ARHGAP31: variants seen among roughly 807,000 people sequenced by gnomAD.
The protein encoded by ARHGAP31 is rho GTPase-activating protein 31.
In ARHGAP31, 34 loss-of-function variants were observed where a neutral mutation model predicts 113.9. That is an observed-to-expected ratio of 0.30 (90% CI 0.23 to 0.40). The LOEUF (loss-of-function observed/expected upper bound fraction) is 0.40, where lower values mean the gene tolerates loss of function less well. Ranked by LOEUF, ARHGAP31 falls within the 10% of genes least tolerant of loss-of-function variation. The pLI, the probability that ARHGAP31 is intolerant of heterozygous loss-of-function variation, is 1.00. For synonymous variants in ARHGAP31, 650 were observed against 684.8 expected, an observed-to-expected ratio of 0.95 and a Z score of 0.79; for missense variants, 1,548 against 1,767.1, an observed-to-expected ratio of 0.88 and a Z score of 2.22.
intron 3 of ARHGAP31, among the ~76,000 whole-genome samples, chr3:119,368,927 AG>A (rs1284405571): frequency 6.6e-6 from 1 of 152,070 alleles, no homozygotes; most frequent in South Asian, 2.1e-4. Context: ...TTTCTTTTGT[AG>A]GTTGGGTAAA....
At chr3:119,302,808 C>T (rs897187989) in intron 1 of ARHGAP31, among the ~76,000 whole-genome samples, 1 of 152,188 alleles carries the variant, frequency 6.6e-6, no homozygotes, top group Non-Finnish European at 1.5e-5. Context: ...AGTTTTGCCA[C>T]AACCTATGAA....
chr3:119,397,123 G>C (rs139319679), intron 8 of ARHGAP31, among the ~76,000 whole-genome samples: 1 of 152,324 alleles, frequency 6.6e-6, no homozygotes, highest in African/African-American at 2.4e-5. Flanking sequence ...GTCCCAGACA[G>C]AAACATGTAA....
chr3:119,388,506 C>T (rs2080474486), intron 6 of ARHGAP31, among the ~76,000 whole-genome samples: 1 of 151,816 alleles, frequency 6.6e-6, no homozygotes, highest in Non-Finnish European at 1.5e-5. Context: ...CCTTCCAGCT[C>T]CTGTGTGGAG....
At chr3:119,365,953 A>G (rs1019722061) in intron 2 of ARHGAP31, among the ~76,000 whole-genome samples, 1 of 152,094 alleles carries the variant, frequency 6.6e-6, no homozygotes, top group Non-Finnish European at 1.5e-5. Flanking sequence ...AATAAAAATA[A>G]AAAATAAATT....
intron 1 of ARHGAP31, among the ~76,000 whole-genome samples, chr3:119,338,241 G>A (rs1232439758): frequency 6.6e-6 from 1 of 151,964 alleles, no homozygotes. Context: ...GTAACACAAG[G>A]GTGTTACATG....
chr3:119,378,274 A>C (rs74774929), intron 3 of ARHGAP31, among the ~76,000 whole-genome samples: 3,413 of 152,232 alleles, frequency 0.022, 132 homozygotes, highest in African/African-American at 0.079. Flanking sequence ...AACATAGAGA[A>C]GCTCGAAATA....
chr3:119,415,314 T>G lies in ARHGAP31; in HGVS notation c.3385T>G (p.Ser1129Ala), dbSNP rs1321954607. ...GTTTGAGAATGTGGCCTCATTTAGT[T>G]CACCTGGAATGCAGGTCTCTGAGCC... ...FWFENVASFS[S>A]PGMQVSEPGD... is the part of the protein sequence containing the mutation. Residue 1129 changes from serine (S) to alanine (A), a missense_variant, in exon 12 of 12, where the codon TCA becomes GCA. Physicochemically the swap from Ser to Ala is moderately conservative, Grantham distance 99 (BLOSUM62 1). Coordinates refer to ENST00000264245, the MANE Select transcript of ARHGAP31 (RefSeq NM_020754.4). 5.0e-6 allele frequency: 8 copies of G among 1,614,130 alleles called. No individual in the cohort carries two copies. The highest frequency in any genetic ancestry group is 1.3e-5 in the African/African-American group (1 of 75,032).
chr3:119,324,059 T>TG (rs1447540689), intron 1 of ARHGAP31, among the ~76,000 whole-genome samples: 1 of 131,380 alleles, frequency 7.6e-6, no homozygotes, highest in African/African-American at 2.8e-5. Context: ...GTGGGGCTCT[T>TG]GCCATCCCTG....
chr3:119,360,890 C>G (rs1335774580), intron 1 of ARHGAP31, among the ~76,000 whole-genome samples: 1 of 152,142 alleles, frequency 6.6e-6, no homozygotes, highest in African/African-American at 2.4e-5. Context: ...CTATGTGTAC[C>G]TCTGTAGGAG....
At chr3:119,401,739 T>C (rs2107640519) in intron 9 of ARHGAP31, 83 bp from the exon 10 acceptor site, 1 of 1,293,318 alleles carries the variant, frequency 7.7e-7, no homozygotes, top group East Asian at 2.4e-5. Context: ...AGTATTCAAA[T>C]GTCGTGTGCC....
At chr3:119,306,186 A>G (rs575319243) in intron 1 of ARHGAP31, among the ~76,000 whole-genome samples, 4 of 152,356 alleles carry the variant, frequency 2.6e-5, no homozygotes, top group African/African-American at 7.2e-5. Flanking sequence ...ATATTAGTCA[A>G]TTTTAGTATA....
At chr3:119,408,140 G>A (rs1189416956) in intron 10 of ARHGAP31, among the ~76,000 whole-genome samples, 2 of 152,174 alleles carry the variant, frequency 1.3e-5, no homozygotes, top group Non-Finnish European at 2.9e-5. Context: ...CAAATACTAT[G>A]TATGCCATTT....
chr3:119,361,961 G>A (rs1008463014), intron 1 of ARHGAP31, among the ~76,000 whole-genome samples: 1 of 152,218 alleles, frequency 6.6e-6, no homozygotes, highest in South Asian at 2.1e-4. Context: ...CTTAAACAAA[G>A]CCATGGACAA....
At chr3:119,402,462 A>G in intron 10 of ARHGAP31, 65 bp downstream of exon 10, 1 of 1,546,372 alleles carries the variant, frequency 6.5e-7, no homozygotes, top group Non-Finnish European at 8.8e-7. Flanking sequence ...AATTTGCTTG[A>G]GTTTGCAAGG....
rs2080754795 is a variant in ARHGAP31 at position 119,414,601 on chromosome 3, A to G, written c.2672A>G (p.Asp891Gly). The G allele has an allele frequency of 6.2e-7, 1 of 1,614,126 alleles. No homozygotes were observed. Among genetic ancestry groups the G allele is most frequent in the Non-Finnish European group, 8.5e-7 (1 of 1,180,050 alleles). ...SVQEPSDCDE[D>G]DTVTDIAQHG... ...CAGGAGCCTTCAGACTGTGACGAAG[A>G]TGACACTGTGACAGACATTGCCCAG... Residue 891 changes from aspartate (D) to glycine (G), a missense_variant, in exon 12 of 12, where the codon GAT (aspartate) becomes GGT (glycine). Coordinates refer to ENST00000264245, the MANE Select transcript of ARHGAP31 (RefSeq NM_020754.4).
chr3:119,402,527 C>A, intron 10 of ARHGAP31, 130 bp downstream of exon 10: 1 of 940,168 alleles, frequency 1.1e-6, no homozygotes, highest in South Asian at 1.4e-5. Flanking sequence ...GGGTACAAAT[C>A]CACGCTCTGC....
intron 3 of ARHGAP31, among the ~76,000 whole-genome samples, chr3:119,375,831 A>C (rs2080341908): frequency 6.6e-6 from 1 of 152,162 alleles, no homozygotes; most frequent in Non-Finnish European, 1.5e-5. Context: ...ATACTGAAAT[A>C]GTATCTTTTT....
chr3:119,355,217 T>A (rs2080144831), intron 1 of ARHGAP31, among the ~76,000 whole-genome samples: 1 of 152,248 alleles, frequency 6.6e-6, no homozygotes, highest in Non-Finnish European at 1.5e-5. Flanking sequence ...GGGCAATTTA[T>A]CTATTCTCTC....
chr3:119,349,182 G>A (rs972973121), intron 1 of ARHGAP31, among the ~76,000 whole-genome samples: 4 of 152,192 alleles, frequency 2.6e-5, no homozygotes, highest in African/African-American at 4.8e-5. Flanking sequence ...ATCTGTCAGA[G>A]ATATGGAGAG....
Sources: allele counts gnomAD v4.1 joint callset (sites outside exome capture counted in the v4.1 genomes callset), GRCh38; gene constraint gnomAD v4.1.1; transcripts MANE v1.5; gene names NCBI Gene and HGNC (gene_info 2026-07-23, HGNC 2026-07-21).